The following SIPA1L2 variants were observed in gnomAD, a reference collection of about 807,000 sequenced individuals.
SIPA1L2 encodes signal-induced proliferation-associated 1-like protein 2.
In SIPA1L2, 56 loss-of-function variants were observed where a neutral mutation model predicts 163.9. That is an observed-to-expected ratio of 0.34 (90% CI 0.28 to 0.43). The LOEUF (loss-of-function observed/expected upper bound fraction) is 0.43, where lower values mean the gene tolerates loss of function less well. SIPA1L2 is among the 20% of genes least tolerant of loss of function. The pLI is 1.00. For synonymous variants in SIPA1L2, 877 were observed against 865.7 expected (o/e 1.01, Z -0.23); for missense variants, 1,974 against 2,193.5 (o/e 0.90, Z 2.00).
chr1:232,597,689 CAAAAAAAAAAAAAA>C (rs376123118), intron 1 of SIPA1L2, among the ~76,000 whole-genome samples: 1 of 65,386 alleles, frequency 1.5e-5, no homozygotes, highest in African/African-American at 6.0e-5. Flanking sequence ...AACTCTGTCT[CAAAAAAAAAAAAAA>C]AAAAAAAAAA....
At chr1:232,584,730 CT>C (rs1254353614) in intron 1 of SIPA1L2, among the ~76,000 whole-genome samples, 1 of 152,170 alleles carries the variant, frequency 6.6e-6, no homozygotes, top group Non-Finnish European at 1.5e-5. Flanking sequence ...CTCAGATGAA[CT>C]TCTTAAATCA....
intron 1 of SIPA1L2, among the ~76,000 whole-genome samples, chr1:232,575,682 A>G (rs1192256285): frequency 1.3e-5 from 2 of 152,246 alleles, no homozygotes; most frequent in Non-Finnish European, 2.9e-5. Flanking sequence ...GCATACAGCC[A>G]AAAGAACTGA....
chr1:232,488,722 T>G (rs1160891056), intron 5 of SIPA1L2, among the ~76,000 whole-genome samples: 4 of 152,186 alleles, frequency 2.6e-5, no homozygotes, highest in Non-Finnish European at 5.9e-5. Context: ...AAATAGGTGT[T>G]CAGCAAAAAT....
At chr1:232,476,051 T>C (rs1464109569) in intron 7 of SIPA1L2, among the ~76,000 whole-genome samples, 1 of 152,210 alleles carries the variant, frequency 6.6e-6, no homozygotes, top group Non-Finnish European at 1.5e-5. Context: ...AACCCAAGTA[T>C]AGGCAGGACC....
chr1:232,569,223 C>A (rs1659578591), intron 2 of SIPA1L2, among the ~76,000 whole-genome samples: 1 of 152,154 alleles, frequency 6.6e-6, no homozygotes, highest in Admixed American at 6.6e-5. Context: ...TGTGTTTACC[C>A]ACCCTGACAT....
intron 1 of SIPA1L2, among the ~76,000 whole-genome samples, chr1:232,584,909 T>C (rs1660575759): frequency 6.6e-6 from 1 of 152,262 alleles, no homozygotes; most frequent in Non-Finnish European, 1.5e-5. Context: ...GAAGGTTATA[T>C]AACTATGTTG....
chr1:232,589,183 C>T (rs559891766), intron 1 of SIPA1L2, among the ~76,000 whole-genome samples: 18 of 152,352 alleles, frequency 1.2e-4, no homozygotes, highest in Admixed American at 5.2e-4. Context: ...GGTGACAAAA[C>T]GCAGTTTCAT....
At chr1:232,620,171 C>T (rs2102887976) in intron 1 of SIPA1L2, among the ~76,000 whole-genome samples, 1 of 152,362 alleles carries the variant, frequency 6.6e-6, no homozygotes, top group South Asian at 2.1e-4. Flanking sequence ...GCATGAGCCA[C>T]CACGCCCGGC....
chr1:232,584,279 T>C (rs907912126), intron 1 of SIPA1L2, among the ~76,000 whole-genome samples: 5 of 152,096 alleles, frequency 3.3e-5, no homozygotes, highest in African/African-American at 4.8e-5. Flanking sequence ...GGCTGGAGTA[T>C]AGTGGTGCGA....
chr1:232,564,894 T>G (rs1194125562), intron 2 of SIPA1L2, among the ~76,000 whole-genome samples: 1 of 152,106 alleles, frequency 6.6e-6, no homozygotes, highest in Non-Finnish European at 1.5e-5. Flanking sequence ...CACTGAGGCC[T>G]GTCTCAGGGT....
At chr1:232,556,849 TC>T (rs1443880531) in intron 2 of SIPA1L2, among the ~76,000 whole-genome samples, 2 of 152,134 alleles carry the variant, frequency 1.3e-5, no homozygotes, top group Non-Finnish European at 2.9e-5. Flanking sequence ...TCATTTAATT[TC>T]CCTCTATTTT....
intron 10 of SIPA1L2, among the ~76,000 whole-genome samples, chr1:232,454,640 C>A (rs1412266846): frequency 6.6e-6 from 1 of 152,202 alleles, no homozygotes; most frequent in Non-Finnish European, 1.5e-5. Flanking sequence ...ACGGTGTAAC[C>A]TGTCAAGCAT....
intron 2 of SIPA1L2, among the ~76,000 whole-genome samples, chr1:232,547,542 G>A (rs972573217): frequency 9.7e-5 from 13 of 133,760 alleles, no homozygotes; most frequent in Non-Finnish European, 1.5e-4. Context: ...TAATCAAAAT[G>A]TGCCCTAATG....
In SIPA1L2 at chr1:232,460,947, C is replaced by G. The variant is rs768801084; in HGVS notation, c.3035G>C (p.Arg1012Pro). ...LTHEQMIDLL[R>P]TSVTVKVVII... ...GACCACCTTCACAGTCACAGAAGTA[C>G]GGAGCAGGTCGATCATCTGCTCGTG... Residue 1012 changes from arginine (R) to proline (P), a missense_variant, in exon 10 of 23, where the codon CGT becomes CCT. Transcript: ENST00000674635. 6.2e-7 allele frequency: 1 copy of G among 1,614,112 alleles called. No individual in the cohort carries two copies. The highest frequency in any genetic ancestry group is 8.5e-7 in the Non-Finnish European group (1 of 1,180,052).
rs1251271376 is a variant in SIPA1L2, at chr1:232,490,928, C to G, written c.1752G>C (p.Gln584His). Residue 584 changes from glutamine to histidine, a missense_variant, in exon 5 of 23, where the codon CAG becomes CAC. Transcript: ENST00000674635. ...IPELSIQCLR[Q>H]ASNSPKVSEQ... is the part of the protein sequence containing the mutation. ...CTGAGACCTTGGGTGAGTTGGAAGC[C>G]TGTCGCAAACACTGAATGCTCAGCT... 6.2e-7 allele frequency: 1 copy of G among 1,614,154 alleles called. No homozygotes were observed. Among genetic ancestry groups the G allele is most frequent in the Admixed American group, 1.7e-5 (1 of 60,034 alleles).
intron 10 of SIPA1L2, among the ~76,000 whole-genome samples, chr1:232,458,744 C>A (rs945395045): frequency 6.6e-6 from 1 of 152,264 alleles, no homozygotes. Flanking sequence ...AAATTTCTAA[C>A]AAATGCTGGA....
At chr1:232,457,327 T>A (rs1287005212) in intron 10 of SIPA1L2, among the ~76,000 whole-genome samples, 21 of 152,070 alleles carry the variant, frequency 1.4e-4, no homozygotes, top group Admixed American at 1.3e-3. Flanking sequence ...AAAACGGGAG[T>A]TGATAAATGG....
At chr1:232,511,213 T>C (rs551968019) in intron 3 of SIPA1L2, among the ~76,000 whole-genome samples, 4 of 152,268 alleles carry the variant, frequency 2.6e-5, no homozygotes, top group African/African-American at 9.6e-5. Flanking sequence ...GATTCTTTGA[T>C]TCCACTGGCT....
intron 1 of SIPA1L2, among the ~76,000 whole-genome samples, chr1:232,581,362 G>A (rs1487396997): frequency 6.6e-6 from 1 of 152,128 alleles, no homozygotes; most frequent in Non-Finnish European, 1.5e-5. Context: ...AAGCTAGGAG[G>A]GTGTGGGCTG....
Sources: gnomAD v4.1 joint callset for allele counts (sites outside exome capture counted in the v4.1 genomes callset) on GRCh38, gnomAD v4.1.1 for gene constraint, MANE v1.5 for transcripts, NCBI Gene and HGNC (gene_info 2026-07-23, HGNC 2026-07-21) for gene names.